PCDH9: variants seen among roughly 807,000 people sequenced by gnomAD.
PCDH9 encodes the protein protocadherin-9.
Under a neutral mutation model 70.6 loss-of-function variants are expected in PCDH9, and 24 were observed. That is an observed-to-expected ratio of 0.34 (90% CI 0.25 to 0.48). The LOEUF is 0.48. Ranked by LOEUF, PCDH9 falls within the 20% of genes least tolerant of loss-of-function variation. PCDH9 has a pLI of 0.99. For missense variants in PCDH9, 1,281 were observed against 1,503.6 expected, an observed-to-expected ratio of 0.85 and a Z score of 2.45; for synonymous variants, 562 against 558.5, an observed-to-expected ratio of 1.01 and a Z score of -0.09.
At chr13:66,582,148 T>C (rs1486959788) in intron 4 of PCDH9, among the ~76,000 whole-genome samples, 2 of 152,158 alleles carry the variant, frequency 1.3e-5, no homozygotes, top group African/African-American at 2.4e-5. Flanking sequence ...AATTGCATTC[T>C]GTTCTCTTAA....
chr13:67,093,987 CTTCTT>C (rs1394927771), intron 2 of PCDH9, among the ~76,000 whole-genome samples: 1 of 152,114 alleles, frequency 6.6e-6, no homozygotes, highest in Non-Finnish European at 1.5e-5. Context: ...ATTTTCTACT[CTTCTT>C]TTCCATGTAC....
At chr13:66,650,834 T>A (rs1471783890) in intron 3 of PCDH9, among the ~76,000 whole-genome samples, 1 of 151,960 alleles carries the variant, frequency 6.6e-6, no homozygotes, top group African/African-American at 2.4e-5. Flanking sequence ...ATATCAAGTA[T>A]CTTCTCTGAT....
intron 3 of PCDH9, among the ~76,000 whole-genome samples, chr13:66,693,436 C>T (rs1361208003): frequency 1.3e-5 from 2 of 152,080 alleles, no homozygotes; most frequent in Non-Finnish European, 2.9e-5. Context: ...AGAAGCTATA[C>T]ATCATTGTGA....
chr13:66,443,914 T>C (rs553864959), intron 4 of PCDH9, among the ~76,000 whole-genome samples: 2 of 152,298 alleles, frequency 1.3e-5, no homozygotes, highest in South Asian at 4.1e-4. Flanking sequence ...GAGCGTTGTT[T>C]AACAAATTTC....
chr13:66,555,155 G>A (rs1961673482), intron 4 of PCDH9, among the ~76,000 whole-genome samples: 1 of 152,192 alleles, frequency 6.6e-6, no homozygotes, highest in African/African-American at 2.4e-5. Flanking sequence ...GGCAACAAGA[G>A]TGAAACTCTG....
At chr13:66,597,837 A>G (rs1237088869) in intron 4 of PCDH9, among the ~76,000 whole-genome samples, 2 of 151,846 alleles carry the variant, frequency 1.3e-5, no homozygotes, top group Non-Finnish European at 1.5e-5. Flanking sequence ...TATATCTGAT[A>G]AGAGATTGAA....
intron 3 of PCDH9, among the ~76,000 whole-genome samples, chr13:66,712,256 T>G (rs2078804878): frequency 1.3e-5 from 2 of 152,266 alleles, no homozygotes; most frequent in South Asian, 4.1e-4. Context: ...TTATATGATG[T>G]AATAGATTTG....
intron 2 of PCDH9, among the ~76,000 whole-genome samples, chr13:67,089,127 C>G (rs979161534): frequency 2.6e-5 from 4 of 152,010 alleles, no homozygotes; most frequent in African/African-American, 9.7e-5. Flanking sequence ...ATAATGCCTG[C>G]ATCACTTTCT....
At chr13:66,439,461 T>G (rs868323393) in intron 4 of PCDH9, among the ~76,000 whole-genome samples, 12 of 152,160 alleles carry the variant, frequency 7.9e-5, no homozygotes, top group South Asian at 2.1e-4. Context: ...ATAAAATAGG[T>G]AACTATTCAA....
intron 2 of PCDH9, among the ~76,000 whole-genome samples, chr13:67,072,848 G>A (rs965221026): frequency 2.2e-4 from 33 of 152,096 alleles, no homozygotes; most frequent in African/African-American, 8.0e-4. Context: ...TCAGATATAT[G>A]TATTACATTA....
chr13:66,797,519 C>T (rs945252952), intron 3 of PCDH9, among the ~76,000 whole-genome samples: 11 of 152,048 alleles, frequency 7.2e-5, no homozygotes, highest in Non-Finnish European at 7.4e-5. Context: ...TCTAAGTAAA[C>T]CATCAGTGTA....
intron 4 of PCDH9, among the ~76,000 whole-genome samples, chr13:66,609,297 C>T (rs570047669): frequency 9.2e-5 from 14 of 152,158 alleles, no homozygotes; most frequent in Non-Finnish European, 1.9e-4. Flanking sequence ...TATGTATCAA[C>T]AGCATTTTAA....
At chr13:66,550,339 A>T (rs2058805741) in intron 4 of PCDH9, among the ~76,000 whole-genome samples, 1 of 152,054 alleles carries the variant, frequency 6.6e-6, no homozygotes, top group East Asian at 1.9e-4. Context: ...GAATATTAAT[A>T]TTTTATAAGC....
In PCDH9 at chr13:66,617,562, T is replaced by C. The variant is rs139318232; in HGVS notation, c.3340+13648A>G. Among the ~76,000 whole-genome samples, 467 of 152,256 alleles carry C rather than the reference T, an allele frequency of 3.1e-3. 1 individual carries two copies. The highest frequency in any genetic ancestry group is 0.011 in the African/African-American group (440 of 41,548). ...AAACCTTAAACTGGTTGACTTAGGA[T>C]TGGGCTCAGGTGAAGGGAACCCAGA... On this transcript the variant is annotated intron_variant, in intron 4 of 4. Coordinates refer to ENST00000377865, the MANE Select transcript of PCDH9 (RefSeq NM_203487.3).
chr13:67,156,189 C>T (rs1489414846), intron 2 of PCDH9, among the ~76,000 whole-genome samples: 1 of 152,078 alleles, frequency 6.6e-6, no homozygotes, highest in Non-Finnish European at 1.5e-5. Flanking sequence ...TTCCCAAGAC[C>T]ATCCTGGCCC....
At chr13:66,692,397 A>G (rs2078500803) in intron 3 of PCDH9, among the ~76,000 whole-genome samples, 1 of 152,064 alleles carries the variant, frequency 6.6e-6, no homozygotes, top group Admixed American at 6.6e-5. Context: ...ACAATAAGAC[A>G]CTCGAAAGGA....
chr13:66,960,721 G>A (rs2083332219), intron 2 of PCDH9, among the ~76,000 whole-genome samples: 1 of 152,156 alleles, frequency 6.6e-6, no homozygotes, highest in Non-Finnish European at 1.5e-5. Context: ...ATTCATTACA[G>A]TCTCAATGCA....
chr13:66,478,763 A>T (rs1219905833), intron 4 of PCDH9, among the ~76,000 whole-genome samples: 1 of 152,242 alleles, frequency 6.6e-6, no homozygotes. Flanking sequence ...CATGAGATTT[A>T]AGGAAAGATG....
intron 2 of PCDH9, among the ~76,000 whole-genome samples, chr13:67,137,731 C>A (rs1473585757): frequency 6.6e-6 from 1 of 152,032 alleles, no homozygotes; most frequent in Non-Finnish European, 1.5e-5. Flanking sequence ...AAAGGAAATT[C>A]TTCCTTCTCT....
Sources: allele counts gnomAD v4.1 joint callset (sites outside exome capture counted in the v4.1 genomes callset), GRCh38; gene constraint gnomAD v4.1.1; transcripts MANE v1.5; gene names NCBI Gene and HGNC (gene_info 2026-07-23, HGNC 2026-07-21).